The following SMARCA5 variants were observed in gnomAD, a reference collection of about 807,000 sequenced individuals.
SMARCA5 encodes SNF2 related chromatin remodeling ATPase 5, also known as SWI/SNF-related matrix-associated actin-dependent regulator of chromatin subfamily A member 5.
A neutral mutation model predicts 140.4 loss-of-function variants in SMARCA5; 18 were observed. The ratio of observed to expected loss-of-function variants is 0.13; its 90% confidence interval spans 0.09 to 0.19. The LOEUF (loss-of-function observed/expected upper bound fraction) is 0.19, where lower values mean the gene tolerates loss of function less well. SMARCA5 is among the 10% of genes least tolerant of loss of function. The pLI is 1.00. For missense variants in SMARCA5, 606 were observed against 1,276.8 expected (o/e 0.47, Z 8.01); for synonymous variants, 449 against 419.6 (o/e 1.07, Z -0.86).
intron 14 of SMARCA5, among the ~76,000 whole-genome samples, chr4:143,542,542 G>C (rs1363969467): frequency 6.6e-6 from 1 of 152,144 alleles, no homozygotes; most frequent in African/African-American, 2.4e-5. Context: ...ATGTTTGGCT[G>C]TATATCCTAT....
At chr4:143,525,350 G>C in intron 4 of SMARCA5, 101 bp from the exon 5 acceptor site, 1 of 751,230 alleles carries the variant, frequency 1.3e-6, no homozygotes, top group African/African-American at 1.7e-5. Flanking sequence ...GAATCCGTTA[G>C]TAATGAAAAT....
At chr4:143,527,804 T>C in intron 6 of SMARCA5, 64 bp from the exon 7 acceptor site, 1 of 1,354,442 alleles carries the variant, frequency 7.4e-7, no homozygotes, top group Non-Finnish European at 1.0e-6. Flanking sequence ...AGATTACTTG[T>C]CATCAGTAAA....
In SMARCA5 at chr4:143,538,951, GAATA is replaced by G; in HGVS notation, c.1770+18_1770+21del. 6.2e-7 allele frequency: 1 copy of G among 1,610,690 alleles called. No individual in the cohort carries two copies. Among genetic ancestry groups the G allele is most frequent in the Middle Eastern group, 1.7e-4 (1 of 6,052 alleles). ...TCTTCAGGCTATGGTAAGAGATAAC[GAATA>G]AATATATTCTGTGCTTAGTAGATGG... On this transcript the variant is annotated intron_variant, in intron 13 of 23. Coordinates refer to ENST00000283131, the MANE Select transcript of SMARCA5 (RefSeq NM_003601.4).
chr4:143,551,660 C>T (rs960261865), intron 23 of SMARCA5, among the ~76,000 whole-genome samples: 1 of 152,068 alleles, frequency 6.6e-6, no homozygotes, highest in Non-Finnish European at 1.5e-5. Flanking sequence ...ACTGTCCTTT[C>T]TCCAGTGTAT....
intron 6 of SMARCA5, among the ~76,000 whole-genome samples, chr4:143,526,932 T>C (rs763831709): frequency 6.6e-6 from 1 of 152,128 alleles, no homozygotes; most frequent in Non-Finnish European, 1.5e-5. Flanking sequence ...AGTTTGTTTC[T>C]CTCCCTTTTG....
chr4:143,533,138 A>G (rs1457524669), intron 9 of SMARCA5, among the ~76,000 whole-genome samples: 1 of 152,234 alleles, frequency 6.6e-6, no homozygotes, highest in East Asian at 1.9e-4. Flanking sequence ...ACTACATATA[A>G]CATGGAAATG....
At chr4:143,531,221 A>G (rs1737176990) in intron 9 of SMARCA5, among the ~76,000 whole-genome samples, 1 of 152,212 alleles carries the variant, frequency 6.6e-6, no homozygotes, top group Non-Finnish European at 1.5e-5. Flanking sequence ...TTTTTCTTAA[A>G]TCTAGCTACA....
chr4:143,517,687 TCTTTTATAACAAGCTCA>T (rs1347109777), intron 2 of SMARCA5, among the ~76,000 whole-genome samples: 1 of 152,146 alleles, frequency 6.6e-6, no homozygotes, highest in Non-Finnish European at 1.5e-5. Flanking sequence ...GACTGAACTT[TCTTTTATAACAAGCTCA>T]CTGGTGATAA....
intron 10 of SMARCA5, among the ~76,000 whole-genome samples, chr4:143,536,045 C>T (rs1737295495): frequency 6.6e-6 from 1 of 152,134 alleles, no homozygotes; most frequent in Non-Finnish European, 1.5e-5. Flanking sequence ...CTAAATGCTA[C>T]ACTAGCTATG....
chr4:143,535,511 T>C (rs551211307), intron 10 of SMARCA5, among the ~76,000 whole-genome samples: 1 of 152,184 alleles, frequency 6.6e-6, no homozygotes, highest in Non-Finnish European at 1.5e-5. Context: ...TAATATCATA[T>C]AGAGAACTGG....
chr4:143,525,879 G>T (rs1382474780), intron 5 of SMARCA5, among the ~76,000 whole-genome samples: 1 of 152,162 alleles, frequency 6.6e-6, no homozygotes, highest in Non-Finnish European at 1.5e-5. Context: ...TTTCCAGGTG[G>T]TAGCTTGTAC....
intron 3 of SMARCA5, among the ~76,000 whole-genome samples, chr4:143,522,538 C>T (rs1482602526): frequency 2.0e-5 from 3 of 152,130 alleles, no homozygotes; most frequent in African/African-American, 4.8e-5. Context: ...AAGGGGTTAT[C>T]GTTGTAAGCA....
At chr4:143,550,219 CCTTTA>C in intron 23 of SMARCA5, 115 bp downstream of exon 23, 1 of 416,674 alleles carries the variant, frequency 2.4e-6, no homozygotes, top group South Asian at 4.1e-5. Flanking sequence ...CCCTCCATTG[CCTTTA>C]CTTTTTTTTT....
chr4:143,554,408 C>CAA lies in SMARCA5; in HGVS notation c.*1225_*1226dup. ...CTTTCCATTTCTTTAATTGTTTTCT[C>CAA]AATTTTTATTCACTTTTTCCTTTAG... On this transcript the variant is annotated 3_prime_UTR_variant, in exon 24 of 24. Coordinates refer to ENST00000283131, the MANE Select transcript of SMARCA5 (RefSeq NM_003601.4). 6.6e-6 allele frequency: 1 copy of CAA among 152,042 alleles called. No individual in the cohort carries two copies. The highest frequency in any genetic ancestry group is 6.6e-5 in the Admixed American group (1 of 15,260). The allele number at this position is 152,042 out of a possible 1,614,324, so 9.4% of individuals were successfully genotyped here.
At position 143,546,846 on chromosome 4, in the gene SMARCA5, A is replaced by G; in HGVS notation, c.2591A>G (p.Asp864Gly). 1.2e-6 allele frequency: 2 copies of G among 1,612,204 alleles called. No individual in the cohort carries two copies. The highest frequency in any genetic ancestry group is 1.7e-6 in the Non-Finnish European group (2 of 1,178,554). The stretch of plus-strand genomic sequence containing the variant: ...GCTAATGAGAAGTGGGGTCGTGATG[A>G]TATTGAAAATATAGCAAGAGAAGTA... ...IKANEKWGRD[D>G]IENIAREVEG... Residue 864 changes from aspartate to glycine, a missense_variant, in exon 20 of 24, where the codon GAT becomes GGT. Physicochemically the swap from Asp to Gly is moderately conservative, Grantham distance 94. Around this residue, in one of 10 missense-constraint regions of SMARCA5, gnomAD observed 121 missense variants for 227.1 expected, o/e 0.53. Transcript: ENST00000283131.
In SMARCA5 at chr4:143,555,512, C is replaced by T; in HGVS notation, c.*2328C>T. 2.3e-6 allele frequency: 1 copy of T among 440,422 alleles called. No homozygotes were observed. Among genetic ancestry groups the T allele is most frequent in the South Asian group, 2.3e-5 (1 of 43,604 alleles). The allele number at this position is 440,422 out of a possible 1,614,324, so 27.3% of individuals were successfully genotyped here. A position where few individuals can be genotyped will look rare whatever the true frequency, so the allele number is the denominator to read the frequency against. ...TCAGTGTAGATTGTTTTGTTTTGTA[C>T]CCATGCTGTTGATTGCTAAATGTTT... On this transcript the variant is annotated 3_prime_UTR_variant, in exon 24 of 24. Transcript: ENST00000283131.
Position 143,513,884 on chromosome 4 carries a change from C to T in SMARCA5, c.-41C>T. The T allele has an allele frequency of 6.5e-7, 1 of 1,530,642 alleles. No individual in the cohort carries two copies. Among genetic ancestry groups the T allele is most frequent in the Non-Finnish European group, 8.7e-7 (1 of 1,144,604 alleles). The allele number at this position is 1,530,642 out of a possible 1,614,324, so 94.8% of individuals were successfully genotyped here. A position where few individuals can be genotyped will look rare whatever the true frequency, so the allele number is the denominator to read the frequency against. On this transcript the variant is annotated 5_prime_UTR_variant, in exon 1 of 24. Transcript: ENST00000283131. ...GGCCTCCCCGTCCATCCCCGCCGGA[C>T]TCGGGCCTCTGGCAGCAGCGGGTGA...
At chr4:143,514,206 AC>A in intron 1 of SMARCA5, 105 bp downstream of exon 1, 1 of 1,056,736 alleles carries the variant, frequency 9.5e-7, no homozygotes, top group Non-Finnish European at 1.3e-6. Flanking sequence ...CTCTCTCTGC[AC>A]CAGACTCAGC....
Position 143,548,137 on chromosome 4 carries a change from A to C in SMARCA5, c.2982A>C (p.Ala994=). 1 of 1,594,614 alleles carries C rather than the reference A, an allele frequency of 6.3e-7. No individual in the cohort carries two copies. Among genetic ancestry groups the C allele is most frequent in the Non-Finnish European group, 8.6e-7 (1 of 1,164,412 alleles). Residue 994 remains alanine (A), a synonymous_variant, in exon 22 of 24, where the codon GCA becomes GCC. Transcript: ENST00000283131. ...RFDWFLKSRT[A]MELQRRCNTL... Reference sequence around the variant, plus strand: ...ACTGGTTTCTTAAGTCCAGAACTGCAATGGTGAGTGCTCAGGGCTTTTTTG... The same window carrying C: ...ACTGGTTTCTTAAGTCCAGAACTGCCATGGTGAGTGCTCAGGGCTTTTTTG...
Sources: gnomAD v4.1 joint callset for allele counts (sites outside exome capture counted in the v4.1 genomes callset) on GRCh38, gnomAD v4.1.1 for gene constraint, gnomAD v4.1.1 regional missense constraint, MANE v1.5 for transcripts, NCBI Gene and HGNC (gene_info 2026-07-23, HGNC 2026-07-21) for gene names.